Variants in RALGAPA2 observed in about 807,000 individuals in gnomAD.
RALGAPA2 encodes Ral GTPase activating protein catalytic subunit alpha 2, also known as ral GTPase-activating protein subunit alpha-2.
In RALGAPA2, 139 loss-of-function variants were observed where a neutral mutation model predicts 230.4. The ratio of observed to expected loss-of-function variants is 0.60; its 90% CI spans 0.53 to 0.69. The LOEUF (loss-of-function observed/expected upper bound fraction) is 0.69. Among genes scored for constraint, RALGAPA2 ranks in the 30% least tolerant of loss-of-function variants. The pLI is 0.00. For synonymous variants in RALGAPA2, 847 were observed against 837.8 expected, an observed-to-expected ratio of 1.01 and a Z score of -0.19; for missense variants, 2,163 against 2,276.0, an observed-to-expected ratio of 0.95 and a Z score of 1.01.
chr20:20,456,613 G>C (rs1022464377), intron 37 of RALGAPA2, among the ~76,000 whole-genome samples: 1 of 152,230 alleles, frequency 6.6e-6, no homozygotes, highest in Non-Finnish European at 1.5e-5. Context: ...CATGTCAGAA[G>C]CCTGACTGCT....
At position 20,561,097 on chromosome 20, in the gene RALGAPA2, C is replaced by T. The variant is rs1232659810; in HGVS notation, c.3156+10361G>A. 4.6e-5 allele frequency among the ~76,000 whole-genome samples: 7 copies of T among 152,290 alleles called. No individual in the cohort carries two copies. In the East Asian group the frequency reaches 7.7e-4, roughly 17 times the overall value. ...CCCTTTTTCTGAGGCTGTCCTAGAG[C>T]GTCAGACAGCCTTGGACTGAATACT... On this transcript the variant is annotated intron_variant, in intron 23 of 39. Coordinates refer to ENST00000202677, the MANE Select transcript of RALGAPA2 (RefSeq NM_020343.4).
intron 37 of RALGAPA2, among the ~76,000 whole-genome samples, chr20:20,441,526 T>TCCC (rs1292403957): frequency 6.6e-6 from 1 of 152,142 alleles, no homozygotes; most frequent in Admixed American, 6.5e-5. Flanking sequence ...GCAAGCTCCC[T>TCCC]CCCTTCAGTC....
chr20:20,576,796 G>A (rs2064833219), intron 20 of RALGAPA2, among the ~76,000 whole-genome samples: 2 of 151,956 alleles, frequency 1.3e-5, no homozygotes, highest in African/African-American at 4.8e-5. Flanking sequence ...ATAGCATACT[G>A]TATTATTTTA....
chr20:20,531,761 A>G lies in RALGAPA2; in HGVS notation c.3508T>C (p.Cys1170Arg). 1 of 1,607,874 alleles carries G rather than the reference A, an allele frequency of 6.2e-7. No individual in the cohort carries two copies. The highest frequency in any genetic ancestry group is 8.5e-7 in the Non-Finnish European group (1 of 1,177,020). Residue 1170 changes from cysteine to arginine, a missense_variant, in exon 27 of 40, where the codon TGT becomes CGT. Physicochemically the swap from Cys to Arg is radical, Grantham distance 180. Coordinates refer to ENST00000202677, the MANE Select transcript of RALGAPA2 (RefSeq NM_020343.4). ...CTTGTACACTGTGCAAGCTCTTCAC[A>G]TATCCAGACCCCAAGGGAGCAAACA... is the stretch of plus-strand genomic sequence containing the variant. ...IAVCSLGVWICEELAQCTSHP... is the reference protein window; with the variant it reads ...IAVCSLGVWIREELAQCTSHP...
chr20:20,618,478 GA>G (rs11310533), intron 12 of RALGAPA2, among the ~76,000 whole-genome samples: 18,860 of 146,946 alleles, frequency 0.13, 2,124 homozygotes, highest in African/African-American at 0.3. Flanking sequence ...TAATTCACTT[GA>G]AAAAAAAAAG....
At position 20,389,948 on chromosome 20, in the gene RALGAPA2, A is replaced by G. The variant is rs1462938844; in HGVS notation, c.*3341T>C. 1.3e-5 allele frequency: 2 copies of G among 152,236 alleles called. No individual in the cohort carries two copies. Among genetic ancestry groups the G allele is most frequent in the Non-Finnish European group, 2.9e-5 (2 of 68,038 alleles). 9.4% of individuals were successfully genotyped at this position (152,236 alleles called of 1,614,324 possible). On this transcript the variant is annotated 3_prime_UTR_variant, in exon 40 of 40. Transcript: ENST00000202677. The stretch of plus-strand genomic sequence containing the variant: ...TACTAAACATTGTAGACCTGAAAAC[A>G]TAAGGAAACATTCACTTCATGTGTA...
chr20:20,494,339 A>C (rs937536502), intron 36 of RALGAPA2, among the ~76,000 whole-genome samples: 1 of 152,232 alleles, frequency 6.6e-6, no homozygotes, highest in Non-Finnish European at 1.5e-5. Flanking sequence ...ACACAATGTC[A>C]TTCCTCTTGA....
At chr20:20,400,904 C>T (rs539381256) in intron 38 of RALGAPA2, among the ~76,000 whole-genome samples, 3 of 152,032 alleles carry the variant, frequency 2.0e-5, no homozygotes, top group Non-Finnish European at 4.4e-5. Flanking sequence ...TGAGAATATG[C>T]TAAAAGAAAG....
chr20:20,463,675 G>A (rs747711316), intron 37 of RALGAPA2, among the ~76,000 whole-genome samples: 6 of 152,164 alleles, frequency 3.9e-5, no homozygotes, highest in Non-Finnish European at 7.3e-5. Flanking sequence ...GCTGAAAAGT[G>A]TGGAAGAATC....
chr20:20,639,874 G>T lies in RALGAPA2; in HGVS notation c.577C>A (p.Pro193Thr). 1 of 1,613,168 alleles carries T rather than the reference G, an allele frequency of 6.2e-7. No homozygotes were observed. Among genetic ancestry groups the T allele is most frequent in the South Asian group, 1.1e-5 (1 of 91,066 alleles). Residue 193 changes from proline to threonine, a missense_variant, in exon 7 of 40, where the codon CCA (proline) becomes ACA (threonine). Coordinates refer to ENST00000202677, the MANE Select transcript of RALGAPA2 (RefSeq NM_020343.4). The stretch of plus-strand genomic sequence containing the variant: ...TCCCCTGATATGGCTGGTAGGAGTG[G>T]AGTGATTTCTTCTGGATATATCTTT... Reference protein sequence around the residue: ...DVKIYPEEITPLLPAISGEKI... With the variant: ...DVKIYPEEITTLLPAISGEKI...
At chr20:20,483,198 C>A (rs562586526) in intron 36 of RALGAPA2, among the ~76,000 whole-genome samples, 1 of 152,198 alleles carries the variant, frequency 6.6e-6, no homozygotes, top group East Asian at 1.9e-4. Flanking sequence ...TGTTTTTATA[C>A]GTGGAGAGAA....
Position 20,548,596 on chromosome 20 carries a change from C to G in RALGAPA2, c.3157-1764G>C, listed in dbSNP as rs191140720. On this transcript the variant is annotated intron_variant, in intron 23 of 39. Transcript: ENST00000202677. Reference sequence around the variant, plus strand: ...AAAAAAAACATGAACCATGCTTCTTCCAGGTTAATGTTTAAGCCTGCTTTA... The same window carrying G: ...AAAAAAAACATGAACCATGCTTCTTGCAGGTTAATGTTTAAGCCTGCTTTA... 6.6e-5 allele frequency among the ~76,000 whole-genome samples: 10 copies of G among 152,232 alleles called. No individual in the cohort carries two copies. In the East Asian group the frequency reaches 1.9e-3, roughly 29 times the overall value.
intron 23 of RALGAPA2, among the ~76,000 whole-genome samples, chr20:20,550,973 G>C (rs932023404): frequency 5.9e-5 from 9 of 152,150 alleles, no homozygotes; most frequent in Admixed American, 3.3e-4. Context: ...ACATTTCAAA[G>C]GTGGCACACA....
At chr20:20,681,105 G>C (rs944169606) in intron 1 of RALGAPA2, among the ~76,000 whole-genome samples, 2 of 152,170 alleles carry the variant, frequency 1.3e-5, no homozygotes, top group African/African-American at 4.8e-5. Flanking sequence ...GGCAGGTCTG[G>C]GGAGGGACAT....
At chr20:20,574,817 T>G (rs1176249328) in intron 20 of RALGAPA2, among the ~76,000 whole-genome samples, 1 of 152,138 alleles carries the variant, frequency 6.6e-6, no homozygotes, top group African/African-American at 2.4e-5. Context: ...GCAGCTCAGT[T>G]TTTAAATTCT....
chr20:20,674,683 T>G (rs906745485), intron 3 of RALGAPA2, among the ~76,000 whole-genome samples: 1 of 152,178 alleles, frequency 6.6e-6, no homozygotes, highest in Non-Finnish European at 1.5e-5. Context: ...TGAACTAAAT[T>G]TAAAAACATG....
chr20:20,555,550 G>A (rs1407450210), intron 23 of RALGAPA2, among the ~76,000 whole-genome samples: 6 of 152,086 alleles, frequency 3.9e-5, no homozygotes, highest in East Asian at 1.9e-4. Flanking sequence ...TCTGATCCAC[G>A]GATATTTTTC....
chr20:20,546,634 A>C lies in RALGAPA2; in HGVS notation c.3285+70T>G, dbSNP rs961712736. ...ATGAGTCAACACCTGTTAAGAGTGGAGAAATCTGAACCTTGTTAGCGATTG... is the reference window on the plus strand; with the variant it reads ...ATGAGTCAACACCTGTTAAGAGTGGCGAAATCTGAACCTTGTTAGCGATTG... On this transcript the variant is annotated intron_variant, in intron 24 of 39. Coordinates refer to ENST00000202677, the MANE Select transcript of RALGAPA2 (RefSeq NM_020343.4). 1.0e-5 allele frequency: 15 copies of C among 1,493,482 alleles called. No individual in the cohort carries two copies. The African/African-American group carries it at 1.6e-4, about 15-fold the overall frequency. The allele number at this position is 1,493,482 out of a possible 1,614,324, so 92.5% of individuals were successfully genotyped here.
At chr20:20,676,406 A>T (rs1395957936) in intron 2 of RALGAPA2, 118 bp from the exon 3 acceptor site, 9 of 642,818 alleles carry the variant, frequency 1.4e-5, no homozygotes, top group Non-Finnish European at 2.4e-5. Flanking sequence ...TTTATTCAAA[A>T]AATAGCAAGA....
Sources: allele counts gnomAD v4.1 joint callset (sites outside exome capture counted in the v4.1 genomes callset), GRCh38; gene constraint gnomAD v4.1.1; transcripts MANE v1.5; gene names NCBI Gene and HGNC (gene_info 2026-07-23, HGNC 2026-07-21).